NFIA: variants seen among roughly 807,000 people sequenced by gnomAD.
NFIA encodes nuclear factor I A, also known as nuclear factor 1 A-type.
A neutral mutation model predicts 62.8 loss-of-function variants in NFIA; 8 were observed. The ratio of observed to expected loss-of-function variants is 0.13; its 90% CI spans 0.07 to 0.23. The LOEUF (loss-of-function observed/expected upper bound fraction) is 0.23, where lower values mean the gene tolerates loss of function less well. NFIA is among the 10% of genes least tolerant of loss of function. NFIA has a pLI of 1.00. For missense variants in NFIA, 410 were observed against 642.1 expected (o/e 0.64, Z 3.91); for synonymous variants, 235 against 238.1 (o/e 0.99, Z 0.12).
intron 2 of NFIA, among the ~76,000 whole-genome samples, chr1:61,147,391 T>A (rs1453410037): frequency 3.3e-5 from 5 of 152,206 alleles, no homozygotes; most frequent in Non-Finnish European, 1.5e-5. Context: ...CCTCAAGTGA[T>A]CTGCCCGCCT....
chr1:61,230,006 C>G (rs1224896799), intron 2 of NFIA, among the ~76,000 whole-genome samples: 1 of 152,008 alleles, frequency 6.6e-6, no homozygotes, highest in African/African-American at 2.4e-5. Context: ...TGGACAATGT[C>G]ATATTATATG....
Position 61,365,749 on chromosome 1 carries a change from A to T in NFIA, c.946+6475A>T, listed in dbSNP as rs111883518. On this transcript the variant is annotated intron_variant, in intron 6 of 10. Transcript: ENST00000403491. The stretch of plus-strand genomic sequence containing the variant: ...TCCTCAAGTGTCAGTCACTACCTGT[A>T]AGGTGGGAACTGTTCCTTCTGCTCC... Among the ~76,000 whole-genome samples the T allele has an allele frequency of 3.9e-3, 592 of 152,308 alleles. 3 individuals are homozygous for T. Among genetic ancestry groups the T allele is most frequent in the African/African-American group, 0.014 (564 of 41,578 alleles).
At chr1:61,097,534 T>TCGGGAAGTC (rs1646437174) in intron 2 of NFIA, among the ~76,000 whole-genome samples, 1 of 152,220 alleles carries the variant, frequency 6.6e-6, no homozygotes, top group East Asian at 1.9e-4. Flanking sequence ...GGGGAAGATA[T>TCGGGAAGTC]ATCTGTGGTG....
chr1:61,085,987 A>G (rs1201552892), intron 1 of NFIA, among the ~76,000 whole-genome samples: 3 of 152,202 alleles, frequency 2.0e-5, no homozygotes, highest in African/African-American at 7.2e-5. Flanking sequence ...TTAAAATGCC[A>G]TATTAGAATG....
intron 7 of NFIA, among the ~76,000 whole-genome samples, chr1:61,384,712 G>A (rs1248579468): frequency 6.6e-6 from 1 of 152,102 alleles, no homozygotes; most frequent in Non-Finnish European, 1.5e-5. Context: ...AGGAGATGAG[G>A]CATGTGTTGT....
intron 10 of NFIA, among the ~76,000 whole-genome samples, chr1:61,437,812 A>G (rs1390195874): frequency 6.6e-6 from 1 of 152,162 alleles, no homozygotes; most frequent in East Asian, 1.9e-4. Context: ...GGAACAGTGC[A>G]TGCAAAGGAA....
At chr1:61,214,676 T>TCCCC (rs1653495883) in intron 2 of NFIA, among the ~76,000 whole-genome samples, 1 of 152,180 alleles carries the variant, frequency 6.6e-6, no homozygotes, top group South Asian at 2.1e-4. Context: ...AAGACCTCTG[T>TCCCC]CCCCAGTCCC....
Position 61,338,554 on chromosome 1 carries a change from A to AT in NFIA, c.700+5972dup, listed in dbSNP as rs1314633567. ...CAAGTACCCATATTCAGATGCTTAG[A>AT]TTTTCAGGCTAGTAATTTAGTAAGA... On this transcript the variant is annotated intron_variant, in intron 4 of 10. Coordinates refer to ENST00000403491, the MANE Select transcript of NFIA (RefSeq NM_001134673.4). Among the ~76,000 whole-genome samples, 4 of 152,288 alleles carry AT rather than the reference A, an allele frequency of 2.6e-5. No homozygotes were observed. The East Asian group carries it at 5.8e-4, about 22-fold the overall frequency.
chr1:61,345,433 G>A (rs1300024175), intron 4 of NFIA, among the ~76,000 whole-genome samples: 2 of 152,176 alleles, frequency 1.3e-5, no homozygotes, highest in African/African-American at 4.8e-5. Flanking sequence ...TATCACCTCT[G>A]ACTTCATGAC....
intron 2 of NFIA, among the ~76,000 whole-genome samples, chr1:61,192,417 C>A (rs1391164881): frequency 1.3e-5 from 2 of 152,114 alleles, no homozygotes; most frequent in African/African-American, 4.8e-5. Context: ...TGTCAAAATA[C>A]CTTGCCAGGC....
intron 7 of NFIA, among the ~76,000 whole-genome samples, chr1:61,386,511 C>T (rs956122115): frequency 2.0e-5 from 3 of 152,150 alleles, no homozygotes; most frequent in Admixed American, 6.5e-5. Context: ...GCATTTATCA[C>T]GGGAATGCTT....
At chr1:61,394,362 A>T (rs1317672944) in intron 7 of NFIA, among the ~76,000 whole-genome samples, 1 of 152,104 alleles carries the variant, frequency 6.6e-6, no homozygotes, top group African/African-American at 2.4e-5. Context: ...TTTAGTAGAG[A>T]TGGGGTTTCA....
intron 10 of NFIA, among the ~76,000 whole-genome samples, chr1:61,436,237 G>A (rs1047776733): frequency 6.6e-6 from 1 of 152,070 alleles, no homozygotes; most frequent in Admixed American, 6.5e-5. Flanking sequence ...TTATGACTTG[G>A]AACCAGATGC....
chr1:61,177,716 CTT>C (rs1185417515), intron 2 of NFIA, among the ~76,000 whole-genome samples: 2 of 151,180 alleles, frequency 1.3e-5, no homozygotes, highest in African/African-American at 4.9e-5. Flanking sequence ...ATAAGTCTCT[CTT>C]GATTTTCAGC....
intron 2 of NFIA, among the ~76,000 whole-genome samples, chr1:61,110,446 C>T (rs939056554): frequency 1.3e-5 from 2 of 151,800 alleles, no homozygotes; most frequent in South Asian, 2.1e-4. Flanking sequence ...GCAGTATCTG[C>T]GGGCAAGCAT....
At chr1:61,350,633 C>T (rs1662496548) in intron 4 of NFIA, among the ~76,000 whole-genome samples, 1 of 151,824 alleles carries the variant, frequency 6.6e-6, no homozygotes, top group Non-Finnish European at 1.5e-5. Context: ...AAAGTGAGCT[C>T]TTGTCTCTAA....
chr1:61,437,264 T>C (rs1449326852), intron 10 of NFIA, among the ~76,000 whole-genome samples: 1 of 152,126 alleles, frequency 6.6e-6, no homozygotes, highest in Non-Finnish European at 1.5e-5. Flanking sequence ...TCCCTGGCAG[T>C]GTGTCTGTGC....
At chr1:61,359,013 T>C in intron 5 of NFIA, 134 bp from the exon 6 acceptor site, 1 of 1,277,612 alleles carries the variant, frequency 7.8e-7, no homozygotes, top group South Asian at 1.5e-5. Context: ...TGAACAGAAG[T>C]TTAAAAGGAG....
chr1:61,176,293 A>T (rs536710177), intron 2 of NFIA, among the ~76,000 whole-genome samples: 12 of 151,998 alleles, frequency 7.9e-5, no homozygotes, highest in Admixed American at 5.9e-4. Flanking sequence ...AATTTTTGCC[A>T]TTTTTTTTAT....
Sources: gnomAD v4.1 joint callset for allele counts (sites outside exome capture counted in the v4.1 genomes callset) on GRCh38, gnomAD v4.1.1 for gene constraint, MANE v1.5 for transcripts, NCBI Gene and HGNC (gene_info 2026-07-23, HGNC 2026-07-21) for gene names.